The following DLG5 variants were observed in gnomAD, a reference collection of about 807,000 sequenced individuals.
The protein encoded by DLG5 is disks large homolog 5.
In DLG5, 48 loss-of-function variants were observed where a neutral mutation model predicts 189.8. That is an observed-to-expected ratio of 0.25 (90% CI 0.20 to 0.32). The LOEUF (loss-of-function observed/expected upper bound fraction) is 0.32, where lower values mean the gene tolerates loss of function less well. Ranked by LOEUF, DLG5 falls within the 10% of genes least tolerant of loss-of-function variation. The pLI, the probability that DLG5 is intolerant of heterozygous loss-of-function variation, is 1.00. For missense variants in DLG5, 2,160 were observed against 2,544.7 expected, an observed-to-expected ratio of 0.85 and a Z score of 3.25; for synonymous variants, 1,016 against 1,054.1, an observed-to-expected ratio of 0.96 and a Z score of 0.70.
In DLG5 at chr10:77,854,365, T is replaced by C; in HGVS notation, c.542A>G (p.Tyr181Cys). The C allele has an allele frequency of 1.2e-6, 2 of 1,613,992 alleles. No individual in the cohort carries two copies. The highest frequency in any genetic ancestry group is 1.7e-6 in the Non-Finnish European group (2 of 1,180,010). ...THGTAFDKRP[Y>C]HRLNPDYERL... is the part of the protein sequence containing the mutation. ...CTCATAGTCAGGATTCAGCCTGTGG[T>C]AGGGCCTGGCCCAGAGAGCGAATGG... The change falls in exon 4 of 32, where the codon TAC (tyrosine) becomes TGC (cysteine). Residue 181 changes from tyrosine to cysteine, a missense_variant. Coordinates refer to ENST00000372391, the MANE Select transcript of DLG5 (RefSeq NM_004747.4).
Position 77,792,447 on chromosome 10 carries a change from G to C in DLG5, c.5753C>G (p.Pro1918Arg). Reference sequence around the variant, plus strand: ...CCACAGCACAGCATTCTCCTAGAGCGGGCAGGCTGGAATCCACAGGACTTT... The same window carrying C: ...CCACAGCACAGCATTCTCCTAGAGCCGGCAGGCTGGAATCCACAGGACTTT... ...QNKVLWIPAC[P>R]L is the part of the protein sequence containing the mutation. The change falls in exon 32 of 32, where the codon CCG becomes CGG. Residue 1918 changes from proline (P) to arginine (R), a missense_variant. Physicochemically the swap from Pro to Arg is moderately radical, Grantham distance 103 (BLOSUM62 -2). This residue lies in a region of DLG5 where 574 missense variants were observed against 644.2 expected (regional missense o/e 0.89). Transcript: ENST00000372391. The C allele has an allele frequency of 1.2e-6, 2 of 1,614,146 alleles. No individual in the cohort carries two copies. The highest frequency in any genetic ancestry group is 1.7e-6 in the Non-Finnish European group (2 of 1,179,988).
chr10:77,827,726 T>C (rs1013806386), intron 13 of DLG5, among the ~76,000 whole-genome samples: 3 of 152,182 alleles, frequency 2.0e-5, no homozygotes, highest in African/African-American at 7.2e-5. Flanking sequence ...AGGTGGATAA[T>C]TTAAACTACA....
intron 9 of DLG5, among the ~76,000 whole-genome samples, chr10:77,833,495 C>T (rs1325638837): frequency 6.6e-6 from 1 of 152,208 alleles, no homozygotes; most frequent in East Asian, 1.9e-4. Context: ...TTCTCCAGTG[C>T]CTCTAATGGA....
At chr10:77,841,499 C>T (rs569493131) in intron 7 of DLG5, among the ~76,000 whole-genome samples, 1 of 152,336 alleles carries the variant, frequency 6.6e-6, no homozygotes, top group South Asian at 2.1e-4. Flanking sequence ...AGAGGCCTAA[C>T]GTATCTATGG....
rs894042496 is a variant in DLG5 at position 77,791,282 on chromosome 10, C to T, written c.*1158G>A. On this transcript the variant is annotated 3_prime_UTR_variant, in exon 32 of 32. Transcript: ENST00000372391. ...AGTACAGTACCTATTATTAACAGGA[C>T]GCATAGCTTAAGGAGGAACCACATC... 1.3e-5 allele frequency: 2 copies of T among 151,690 alleles called. No individual in the cohort carries two copies. The highest frequency in any genetic ancestry group is 2.4e-5 in the African/African-American group (1 of 41,110). 9.4% of individuals were successfully genotyped at this position (151,690 alleles called of 1,614,324 possible). A position where few individuals can be genotyped will look rare whatever the true frequency, so the allele number is the denominator to read the frequency against.
At chr10:77,897,232 T>C (rs1845787772) in intron 1 of DLG5, among the ~76,000 whole-genome samples, 1 of 152,006 alleles carries the variant, frequency 6.6e-6, no homozygotes, top group African/African-American at 2.4e-5. Context: ...GGTGCATGCC[T>C]GTAAACCCAG....
chr10:77,838,923 G>T (rs114922735), intron 7 of DLG5, among the ~76,000 whole-genome samples: 5,456 of 152,280 alleles, frequency 0.036, 154 homozygotes, highest in Non-Finnish European at 0.048. Context: ...TGGGGCAGCC[G>T]CGGGGGCTCT....
chr10:77,870,229 T>G (rs1226043624), intron 1 of DLG5, among the ~76,000 whole-genome samples: 1 of 152,154 alleles, frequency 6.6e-6, no homozygotes, highest in Non-Finnish European at 1.5e-5. Flanking sequence ...CCAAAAGAAC[T>G]ATACAATGAA....
Position 77,805,714 on chromosome 10 carries a change from G to T in DLG5, c.5115C>A (p.Asp1705Glu). 6.2e-7 allele frequency: 1 copy of T among 1,614,116 alleles called. No individual in the cohort carries two copies. Among genetic ancestry groups the T allele is most frequent in the Non-Finnish European group, 8.5e-7 (1 of 1,179,998 alleles). Residue 1705 changes from aspartate to glutamate, a missense_variant, in exon 27 of 32, where the codon GAC (aspartate) becomes GAA (glutamate). Around this residue, in one of 5 missense-constraint regions of DLG5, gnomAD observed 574 missense variants for 644.2 expected, o/e 0.89. Transcript: ENST00000372391. The part of the protein sequence containing the change: ...HKRSGSKDGK[D>E]LLALDAFSSD... ...TGGAAAAGGCATCCAAGGCGAGCAGGTCTTTCCCGTCCTTGGACCCGCTGC... is the reference window on the plus strand; with the variant it reads ...TGGAAAAGGCATCCAAGGCGAGCAGTTCTTTCCCGTCCTTGGACCCGCTGC...
chr10:77,903,409 T>TA (rs1564587446), intron 1 of DLG5, among the ~76,000 whole-genome samples: 3 of 149,168 alleles, frequency 2.0e-5, no homozygotes, highest in African/African-American at 7.4e-5. Flanking sequence ...GCCTGGGTGA[T>TA]AGAGTGAGAC....
intron 31 of DLG5, chr10:77,792,744 T>C (rs1340521046): frequency 8.5e-6 from 5 of 588,314 alleles, no homozygotes; most frequent in Middle Eastern, 8.9e-4. Flanking sequence ...ATCACTCATA[T>C]GTAAACTGCC....
At chr10:77,914,829 C>T (rs1344064826) in intron 1 of DLG5, among the ~76,000 whole-genome samples, 1 of 152,196 alleles carries the variant, frequency 6.6e-6, no homozygotes, top group Non-Finnish European at 1.5e-5. Context: ...CCAAGGCTCT[C>T]CCAGAAACCC....
intron 1 of DLG5, among the ~76,000 whole-genome samples, chr10:77,902,920 T>C (rs1272726799): frequency 2.0e-5 from 3 of 151,386 alleles, no homozygotes; most frequent in South Asian, 2.1e-4. Flanking sequence ...CCATTGAGCA[T>C]CCCTCATTCT....
Position 77,830,847 on chromosome 10 carries a change from T to G in DLG5, c.1775A>C (p.Lys592Thr). ...LKEQMESQLE[K>T]EARFRQLMAH... The stretch of plus-strand genomic sequence containing the variant: ...CATCAGCTGTCGGAACCGGGCCTCC[T>G]TTTCCAACTGGGATTCCATCTGTTC... Residue 592 changes from lysine (K) to threonine (T), a missense_variant, in exon 10 of 32, where the codon AAG becomes ACG. Physicochemically the swap from Lys to Thr is moderately conservative, Grantham distance 78. Transcript: ENST00000372391. 1.2e-6 allele frequency: 2 copies of G among 1,614,048 alleles called. No individual in the cohort carries two copies. The highest frequency in any genetic ancestry group is 2.2e-5 in the South Asian group (2 of 91,052).
intron 7 of DLG5, among the ~76,000 whole-genome samples, chr10:77,837,142 G>A (rs1258374083): frequency 1.4e-5 from 2 of 146,524 alleles, no homozygotes; most frequent in Non-Finnish European, 3.0e-5. Flanking sequence ...TTGAACTTGG[G>A]AGACTGAGGT....
At chr10:77,907,901 C>T (rs1157166491) in intron 1 of DLG5, among the ~76,000 whole-genome samples, 2 of 152,138 alleles carry the variant, frequency 1.3e-5, no homozygotes, top group Non-Finnish European at 2.9e-5. Flanking sequence ...TAAAAGGTTG[C>T]TGGTGAGATC....
At chr10:77,864,501 C>A (rs1844597821) in intron 2 of DLG5, among the ~76,000 whole-genome samples, 1 of 152,202 alleles carries the variant, frequency 6.6e-6, no homozygotes, top group Non-Finnish European at 1.5e-5. Flanking sequence ...GACCCAGGCC[C>A]TGCCTGGGGT....
chr10:77,920,665 T>C (rs972573852), intron 1 of DLG5, among the ~76,000 whole-genome samples: 1 of 152,124 alleles, frequency 6.6e-6, no homozygotes, highest in Non-Finnish European at 1.5e-5. Flanking sequence ...CACATAACAC[T>C]GGCCAGACCA....
intron 7 of DLG5, among the ~76,000 whole-genome samples, chr10:77,836,377 CA>C (rs930188973): frequency 2.0e-5 from 3 of 152,032 alleles, no homozygotes; most frequent in African/African-American, 7.2e-5. Flanking sequence ...TGACGGATGA[CA>C]AAGCAAGTGT....
Sources: allele counts gnomAD v4.1 joint callset (sites outside exome capture counted in the v4.1 genomes callset), GRCh38; gene constraint gnomAD v4.1.1; regional missense constraint gnomAD v4.1.1; transcripts MANE v1.5; gene names NCBI Gene and HGNC (gene_info 2026-07-23, HGNC 2026-07-21).